GNPDA2: variants seen among roughly 807,000 people sequenced by gnomAD.
GNPDA2 encodes glcN6P deaminase 2.
In GNPDA2, 24 loss-of-function variants were observed where a neutral mutation model predicts 27.0. The observed-to-expected ratio is 0.89, with a 90% CI of 0.64 to 1.25. GNPDA2 has a LOEUF of 1.25. Among genes scored for constraint, GNPDA2 ranks in the 50% most tolerant of loss-of-function variants. The pLI is 0.00. For synonymous variants in GNPDA2, 94 were observed against 108.4 expected (o/e 0.87, Z 0.83); for missense variants, 286 against 335.1 (o/e 0.85, Z 1.14).
chr4:44,720,302 T>C (rs1717583740), intron 2 of GNPDA2, among the ~76,000 whole-genome samples: 1 of 152,156 alleles, frequency 6.6e-6, no homozygotes, highest in Non-Finnish European at 1.5e-5. Flanking sequence ...ATTTGCCAAA[T>C]GTCATATGGC....
At chr4:44,707,401 T>C (rs1418833686) in intron 6 of GNPDA2, 1 of 293,722 alleles carries the variant, frequency 3.4e-6, no homozygotes, top group Admixed American at 5.0e-5. Context: ...GGGATTGAGG[T>C]GGGACTAGTA....
intron 6 of GNPDA2, 196 bp downstream of exon 6, chr4:44,707,556 C>G: frequency 1.2e-5 from 4 of 336,572 alleles, no homozygotes; most frequent in Non-Finnish European, 2.0e-5. Context: ...AGATTCTCTT[C>G]ATGAAAAAAA....
intron 6 of GNPDA2, chr4:44,704,367 A>G: frequency 1.1e-6 from 1 of 952,080 alleles, no homozygotes; most frequent in South Asian, 4.9e-5. Flanking sequence ...TCGTTTTTCT[A>G]CTTAAATAGT....
chr4:44,712,076 G>T (rs1043418172), intron 4 of GNPDA2, among the ~76,000 whole-genome samples: 1 of 151,940 alleles, frequency 6.6e-6, no homozygotes, highest in African/African-American at 2.4e-5. Flanking sequence ...CTAAAATATA[G>T]ACAGGAATAT....
At position 44,701,997 on chromosome 4, in the gene GNPDA2, A is replaced by AT. The variant is rs1315299051; in HGVS notation, c.*1083dup. The AT allele has an allele frequency of 8.1e-6, 8 of 984,932 alleles. No individual in the cohort carries two copies. The highest frequency in any genetic ancestry group is 4.7e-5 in the South Asian group (1 of 21,274). 61.0% of individuals were successfully genotyped at this position (984,932 alleles called of 1,614,324 possible). On this transcript the variant is annotated 3_prime_UTR_variant, in exon 7 of 7. Transcript: ENST00000295448. ...GAAATGCAAAATAAGCAAAAGGAGCATTTTTTTGCTCCCCACAGAGGCAAA... is the reference window on the plus strand; with the variant it reads ...GAAATGCAAAATAAGCAAAAGGAGCATTTTTTTTGCTCCCCACAGAGGCAAA...
chr4:44,714,462 A>T, intron 4 of GNPDA2: 1 of 985,264 alleles, frequency 1.0e-6, no homozygotes, highest in African/African-American at 1.7e-5. Context: ...CCTCTGCTCT[A>T]ATTCCCTGGA....
intron 2 of GNPDA2, among the ~76,000 whole-genome samples, chr4:44,720,129 A>C (rs1455986213): frequency 6.6e-6 from 1 of 152,140 alleles, no homozygotes; most frequent in Non-Finnish European, 1.5e-5. Context: ...CAGAGCAGAG[A>C]AAAGATGGAG....
At chr4:44,722,649 A>C (rs1438603841) in intron 1 of GNPDA2, among the ~76,000 whole-genome samples, 1 of 152,174 alleles carries the variant, frequency 6.6e-6, no homozygotes, top group African/African-American at 2.4e-5. Context: ...ACATTGTATT[A>C]GGTATTATAA....
intron 5 of GNPDA2, 125 bp from the exon 6 acceptor site, chr4:44,708,051 A>G (rs1716722718): frequency 1.8e-6 from 1 of 571,012 alleles, no homozygotes; most frequent in East Asian, 2.8e-5. Flanking sequence ...ATAGCTCCAC[A>G]TAATAGTTCA....
At chr4:44,713,946 T>C (rs1219462182) in intron 4 of GNPDA2, among the ~76,000 whole-genome samples, 2 of 152,210 alleles carry the variant, frequency 1.3e-5, no homozygotes, top group Non-Finnish European at 2.9e-5. Context: ...ATTTAGATTT[T>C]ATTGTAAAAC....
At chr4:44,704,881 G>A (rs1175296111) in intron 6 of GNPDA2, 3 of 983,170 alleles carry the variant, frequency 3.1e-6, no homozygotes, top group Non-Finnish European at 2.4e-6. Flanking sequence ...TGATGATGAT[G>A]TCATATACTA....
At position 44,707,736 on chromosome 4, in the gene GNPDA2, G is replaced by C; in HGVS notation, c.769+16C>G. 2.5e-6 allele frequency: 4 copies of C among 1,605,974 alleles called. No individual in the cohort carries two copies. The highest frequency in any genetic ancestry group is 3.4e-6 in the Non-Finnish European group (4 of 1,174,140). ...CAACAGATTATCTCAGTCGGCTTTT[G>C]AAATTCAGTGCTCACCTTTAAAGTA... On this transcript the variant is annotated intron_variant, in intron 6 of 6. Transcript: ENST00000295448.
chr4:44,718,838 T>A (rs565197012), intron 2 of GNPDA2, among the ~76,000 whole-genome samples: 55 of 152,072 alleles, frequency 3.6e-4, no homozygotes, highest in African/African-American at 1.3e-3. Flanking sequence ...AATTTAAATA[T>A]TGCCCCTACT....
intron 1 of GNPDA2, among the ~76,000 whole-genome samples, chr4:44,724,366 A>G (rs1213444386): frequency 6.6e-6 from 1 of 152,190 alleles, no homozygotes; most frequent in East Asian, 1.9e-4. Flanking sequence ...TTTTTGATAT[A>G]ATGAATTATT....
In GNPDA2 at chr4:44,713,310, C is replaced by T. The variant is rs373199346; in HGVS notation, c.410-2173G>A. ...GAATCTTGACCAGGGATACAGTTAA[C>T]GAAGACAGCATGGTGAACTGAAGCA... On this transcript the variant is annotated intron_variant, in intron 4 of 6. Transcript: ENST00000295448. 5.9e-5 allele frequency among the ~76,000 whole-genome samples: 9 copies of T among 152,232 alleles called. No homozygotes were observed. The East Asian group carries it at 1.5e-3, about 26-fold the overall frequency.
intron 5 of GNPDA2, among the ~76,000 whole-genome samples, chr4:44,710,379 C>T (rs749434950): frequency 2.2e-4 from 34 of 152,110 alleles, no homozygotes; most frequent in Non-Finnish European, 3.8e-4. Context: ...ACAATGTGTT[C>T]TGTATTCTCA....
intron 6 of GNPDA2, chr4:44,703,697 T>C: frequency 1.0e-6 from 1 of 983,216 alleles, no homozygotes; most frequent in Non-Finnish European, 1.2e-6. Context: ...TTAAATCATT[T>C]AATTCAGAAT....
intron 4 of GNPDA2, among the ~76,000 whole-genome samples, chr4:44,711,454 T>C (rs368036474): frequency 5.3e-5 from 8 of 152,282 alleles, no homozygotes; most frequent in East Asian, 1.9e-4. Context: ...TCTTATGAGA[T>C]GGCCAGATTA....
At chr4:44,721,081 T>C (rs1037547064) in intron 2 of GNPDA2, among the ~76,000 whole-genome samples, 5 of 151,510 alleles carry the variant, frequency 3.3e-5, no homozygotes, top group Non-Finnish European at 7.4e-5. Flanking sequence ...CTTTTGCCAT[T>C]CTCACCAAGA....
Sources: allele counts gnomAD v4.1 joint callset (sites outside exome capture counted in the v4.1 genomes callset), GRCh38; gene constraint gnomAD v4.1.1; transcripts MANE v1.5; gene names NCBI Gene and HGNC (gene_info 2026-07-23, HGNC 2026-07-21).